The following BCO1 variants were observed in gnomAD, a reference collection of about 807,000 sequenced individuals.
BCO1 encodes the protein beta,beta-carotene 15,15'-dioxygenase.
Under a neutral mutation model 56.3 loss-of-function variants are expected in BCO1, and 54 were observed. The ratio of observed to expected loss-of-function variants is 0.96; its 90% CI spans 0.77 to 1.20. The LOEUF is 1.20. Among genes scored for constraint, BCO1 ranks in the 50% most tolerant of loss-of-function variants. The pLI is 0.00. For missense variants in BCO1, 801 were observed against 690.9 expected, an observed-to-expected ratio of 1.16 and a Z score of -1.79; for synonymous variants, 318 against 266.1, an observed-to-expected ratio of 1.20 and a Z score of -1.90.
chr16:81,278,374 T>C (rs1907679424), intron 7 of BCO1, among the ~76,000 whole-genome samples: 1 of 152,170 alleles, frequency 6.6e-6, no homozygotes, highest in Non-Finnish European at 1.5e-5. Flanking sequence ...ATGTGCCAGG[T>C]GCTGGGCTCC....
rs540143332 is a variant in BCO1 at position 81,289,343 on chromosome 16, T to A, written c.1415-1005T>A. ...ATGTGCAAGAGATGAATTGGGCCCA[T>A]TGAAATGCCATTCTTCAAGCCAGGT... is the stretch of plus-strand genomic sequence containing the variant. On this transcript the variant is annotated intron_variant, in intron 10 of 10. Coordinates refer to ENST00000258168, the MANE Select transcript of BCO1 (RefSeq NM_017429.3). Among the ~76,000 whole-genome samples the A allele has an allele frequency of 3.3e-5, 5 of 152,244 alleles. No individual in the cohort carries two copies. The South Asian group carries it at 1.0e-3, about 32-fold the overall frequency.
chr16:81,280,710 C>T, intron 7 of BCO1, 147 bp from the exon 8 acceptor site: 1 of 675,250 alleles, frequency 1.5e-6, no homozygotes, highest in Non-Finnish European at 2.6e-6. Flanking sequence ...AGGATAACAA[C>T]AGGAAACGAG....
intron 10 of BCO1, 104 bp downstream of exon 10, chr16:81,287,510 G>A: frequency 1.2e-6 from 1 of 852,734 alleles, no homozygotes; most frequent in Non-Finnish European, 2.0e-6. Context: ...TCATAAAGGG[G>A]GTGGATTGGT....
At chr16:81,241,052 G>C (rs553760924) in intron 1 of BCO1, among the ~76,000 whole-genome samples, 1 of 152,008 alleles carries the variant, frequency 6.6e-6, no homozygotes, top group Non-Finnish European at 1.5e-5. Flanking sequence ...CAGGCTGGTC[G>C]CAAACTCCCA....
Position 81,268,064 on chromosome 16 carries a change from A to G in BCO1, c.776A>G (p.Lys259Arg). The change falls in exon 6 of 11, where the codon AAG (lysine) becomes AGG (arginine). Residue 259 changes from lysine (K) to arginine (R), a missense_variant. Physicochemically the swap from Lys to Arg is conservative, Grantham distance 26. Coordinates refer to ENST00000258168, the MANE Select transcript of BCO1 (RefSeq NM_017429.3). ...CAGCCTTTCAGGTTGGATATTCTCA[A>G]GATGGCAACCGCATACATCCGGAGA... ...LEQPFRLDIL[K>R]MATAYIRRMS... 1.2e-6 allele frequency: 2 copies of G among 1,613,226 alleles called. No homozygotes were observed. The highest frequency in any genetic ancestry group is 1.3e-5 in the African/African-American group (1 of 74,978).
At chr16:81,241,796 A>G (rs6564854) in intron 1 of BCO1, among the ~76,000 whole-genome samples, 62,208 of 151,840 alleles carry the variant, frequency 0.41, 13,609 homozygotes, top group African/African-American at 0.57. Context: ...TCCATGGGCA[A>G]ACAGCTAACT....
intron 2 of BCO1, among the ~76,000 whole-genome samples, chr16:81,249,859 T>C (rs1470627643): frequency 6.6e-6 from 1 of 152,100 alleles, no homozygotes; most frequent in Non-Finnish European, 1.5e-5. Context: ...TGCCAATCTG[T>C]GGCATAGGGT....
chr16:81,287,378 C>A lies in BCO1; in HGVS notation c.1386C>A (p.Pro462=). 1.9e-6 allele frequency: 3 copies of A among 1,613,932 alleles called. No homozygotes were observed. The highest frequency in any genetic ancestry group is 2.5e-6 in the Non-Finnish European group (3 of 1,179,942). ...DCWPAEPLFV[P]APGAKDEDDG... is the part of the protein sequence containing the mutation. ...GGCCAGCGGAACCCCTGTTTGTGCC[C>A]GCGCCAGGTGCCAAGGATGAGGATG... The change falls in exon 10 of 11, where the codon CCC becomes CCA. Residue 462 remains proline (P), a synonymous_variant. Transcript: ENST00000258168.
chr16:81,259,408 C>T (rs1191301836), intron 2 of BCO1, among the ~76,000 whole-genome samples: 1 of 152,134 alleles, frequency 6.6e-6, no homozygotes, highest in Admixed American at 6.5e-5. Flanking sequence ...TCAGGAGAAT[C>T]ACTTGAACCC....
chr16:81,256,751 G>A lies in BCO1; in HGVS notation c.194-2925G>A, dbSNP rs535121777. Among the ~76,000 whole-genome samples the A allele has an allele frequency of 1.1e-4, 16 of 152,232 alleles. 1 individual carries two copies. In the South Asian group the frequency reaches 3.3e-3, roughly 32 times the overall value. On this transcript the variant is annotated intron_variant, in intron 2 of 10. Transcript: ENST00000258168. ...AAAAATACAAAAATTAGTCGGACAT[G>A]GTGGCACATGCCTGTAGTCCCAGCT...
chr16:81,287,655 C>G (rs1908261630), intron 10 of BCO1, among the ~76,000 whole-genome samples: 2 of 152,180 alleles, frequency 1.3e-5, no homozygotes, highest in Admixed American at 1.3e-4. Context: ...CATTAAATCA[C>G]CAACCTCACT....
intron 2 of BCO1, among the ~76,000 whole-genome samples, chr16:81,249,693 G>A (rs977888509): frequency 4.7e-4 from 72 of 152,300 alleles, no homozygotes; most frequent in Admixed American, 4.6e-4. Flanking sequence ...GAGCCACCGC[G>A]CCCGGCCGAG....
intron 2 of BCO1, among the ~76,000 whole-genome samples, chr16:81,252,050 T>C (rs1300357280): frequency 6.6e-6 from 1 of 151,942 alleles, no homozygotes; most frequent in Non-Finnish European, 1.5e-5. Context: ...GCATGGAGGC[T>C]CCTTCTGTAA....
Position 81,270,160 on chromosome 16 carries a change from CTT to C in BCO1, c.846_847del (p.Ile284ProfsTer38). The stretch of plus-strand genomic sequence containing the variant: ...CCCTTGATATGTGTCCTTTTTCAGA[CTT>C]ATATCCACATCATCGACCAAAGGAC... On this transcript the variant is annotated frameshift_variant and splice_region_variant, in exon 7 of 11. Transcript: ENST00000258168. LOFTEE classifies it high-confidence loss of function. 2 of 1,613,938 alleles carry C rather than the reference CTT, an allele frequency of 1.2e-6. No homozygotes were observed.
intron 2 of BCO1, among the ~76,000 whole-genome samples, chr16:81,256,317 A>G (rs1906134280): frequency 6.6e-6 from 1 of 152,076 alleles, no homozygotes; most frequent in Non-Finnish European, 1.5e-5. Flanking sequence ...TCTTGGAAAC[A>G]TGTTTTCTCC....
chr16:81,270,424 CT>C lies in BCO1; in HGVS notation c.1101+10del. On this transcript the variant is annotated intron_variant, in intron 7 of 10. Coordinates refer to ENST00000258168, the MANE Select transcript of BCO1 (RefSeq NM_017429.3). The stretch of plus-strand genomic sequence containing the variant: ...CCCCTCCACGTGGACAAGGTAATGG[CT>C]TCCAAGGAGGTCCCTTTTCTTTCTA... 6.2e-7 allele frequency: 1 copy of C among 1,613,872 alleles called. No homozygotes were observed. The highest frequency in any genetic ancestry group is 8.5e-7 in the Non-Finnish European group (1 of 1,180,006).
intron 7 of BCO1, among the ~76,000 whole-genome samples, chr16:81,280,127 G>C (rs1907780577): frequency 6.6e-6 from 1 of 151,756 alleles, no homozygotes; most frequent in Non-Finnish European, 1.5e-5. Context: ...GCCAGGCATG[G>C]TGGAATGAAC....
intron 2 of BCO1, among the ~76,000 whole-genome samples, chr16:81,249,091 TC>T (rs1181222726): frequency 2.2e-4 from 24 of 111,132 alleles, no homozygotes; most frequent in African/African-American, 7.5e-4. Flanking sequence ...TCTCTTTCTT[TC>T]TTTTTTTTTT....
At chr16:81,239,902 C>T (rs906677697) in intron 1 of BCO1, among the ~76,000 whole-genome samples, 13 of 152,200 alleles carry the variant, frequency 8.5e-5, no homozygotes, top group African/African-American at 2.4e-4. Flanking sequence ...GAGTGGTGCT[C>T]GCTCAGTTTT....
Sources: allele counts gnomAD v4.1 joint callset (sites outside exome capture counted in the v4.1 genomes callset), GRCh38; gene constraint gnomAD v4.1.1; transcripts MANE v1.5; gene names NCBI Gene and HGNC (gene_info 2026-07-23, HGNC 2026-07-21).